The following RXRA variants were observed in gnomAD, a reference collection of about 807,000 sequenced individuals.
The protein encoded by RXRA is retinoid X receptor alpha, also known as retinoic acid receptor RXR-alpha.
A neutral mutation model predicts 44.5 loss-of-function variants in RXRA; 5 were observed. That is an observed-to-expected ratio of 0.11 (90% CI 0.06 to 0.24). The LOEUF is 0.24. Ranked by LOEUF, RXRA falls within the 10% of genes least tolerant of loss-of-function variation. The pLI, the probability that RXRA is intolerant of heterozygous loss-of-function variation, is 1.00. For missense variants in RXRA, 412 were observed against 646.5 expected, an observed-to-expected ratio of 0.64 and a Z score of 3.93; for synonymous variants, 291 against 271.4, an observed-to-expected ratio of 1.07 and a Z score of -0.71.
chr9:134,440,371 C>T lies in RXRA; in HGVS notation c.*3757C>T, dbSNP rs1189241044. 6.6e-6 allele frequency: 1 copy of T among 152,502 alleles called. No homozygotes were observed. Among genetic ancestry groups the T allele is most frequent in the Non-Finnish European group, 1.5e-5 (1 of 68,044 alleles). 9.4% of individuals were successfully genotyped at this position (152,502 alleles called of 1,614,324 possible). Reference sequence around the variant, plus strand: ...CTTCCCTTTCGAGTAATTTTTAAAGCCTTGCTCTGTTGTGTCCTGTTGCCG... The same window carrying T: ...CTTCCCTTTCGAGTAATTTTTAAAGTCTTGCTCTGTTGTGTCCTGTTGCCG... On this transcript the variant is annotated 3_prime_UTR_variant, in exon 10 of 10. Transcript: ENST00000481739.
At chr9:134,327,736 C>T (rs1554746206) in intron 1 of RXRA, among the ~76,000 whole-genome samples, 1 of 152,108 alleles carries the variant, frequency 6.6e-6, no homozygotes, top group East Asian at 1.9e-4. Flanking sequence ...TGAGATGGGG[C>T]ATCAAGGGGA....
rs189381556 is a variant in RXRA, at chr9:134,413,880, G to T, written c.611-3278G>T. 4.4e-3 allele frequency among the ~76,000 whole-genome samples: 665 copies of T among 152,246 alleles called. 8 individuals are homozygous for T. The highest frequency in any genetic ancestry group is 3.2e-3 in the Non-Finnish European group (218 of 68,000). On this transcript the variant is annotated intron_variant, in intron 4 of 9. Coordinates refer to ENST00000481739, the MANE Select transcript of RXRA (RefSeq NM_002957.6). ...TGGGCAGGAGTCTCAGGTCTTCCTG[G>T]GAGGACTGGGCTGCGGTGTGTGAGT...
chr9:134,410,189 AGTGTGGT>A, intron 4 of RXRA, among the ~76,000 whole-genome samples: 1 of 152,218 alleles, frequency 6.6e-6, no homozygotes, highest in East Asian at 1.9e-4. Flanking sequence ...TGCGAGGCTG[AGTGTGGT>A]GTATGGGCTG....
At chr9:134,334,203 T>C (rs1238055246) in intron 1 of RXRA, among the ~76,000 whole-genome samples, 1 of 152,244 alleles carries the variant, frequency 6.6e-6, no homozygotes, top group Non-Finnish European at 1.5e-5. Flanking sequence ...GCCTCTTTTT[T>C]CCCAGGCTTC....
In RXRA at chr9:134,431,803, C is replaced by T. The variant is rs769381366; in HGVS notation, c.1044-102C>T. The stretch of plus-strand genomic sequence containing the variant: ...TGGCTTGGCCCATCTCAGCGGCCCT[C>T]GGGCCACGCCGGGCTCTCCAGAGGC... On this transcript the variant is annotated intron_variant, in intron 7 of 9. Transcript: ENST00000481739. 221 of 865,550 alleles carry T rather than the reference C, an allele frequency of 2.6e-4. 2 individuals are homozygous for T. The highest frequency in any genetic ancestry group is 7.3e-4 in the Middle Eastern group (2 of 2,754). 53.6% of individuals were successfully genotyped at this position (865,550 alleles called of 1,614,324 possible). A position where few individuals can be genotyped will look rare whatever the true frequency, so the allele number is the denominator to read the frequency against.
At chr9:134,404,197 G>C (rs567685871) in intron 2 of RXRA, 1 of 152,386 alleles carries the variant, frequency 6.6e-6, no homozygotes, top group Non-Finnish European at 1.5e-5. Flanking sequence ...CTGTTGGGGA[G>C]GGCCAGGCAC....
chr9:134,436,719 G>T lies in RXRA; in HGVS notation c.*105G>T. 1 of 1,377,102 alleles carries T rather than the reference G, an allele frequency of 7.3e-7. No individual in the cohort carries two copies. The highest frequency in any genetic ancestry group is 1.0e-6 in the Non-Finnish European group (1 of 1,000,942). The allele number at this position is 1,377,102 out of a possible 1,614,324, so 85.3% of individuals were successfully genotyped here. A position where few individuals can be genotyped will look rare whatever the true frequency, so the allele number is the denominator to read the frequency against. ...GTCCCTGCCCTTCTCTGCCTGGCCT[G>T]TTTGGACTTTGGGGCACAGCCTGTC... On this transcript the variant is annotated 3_prime_UTR_variant, in exon 10 of 10. Transcript: ENST00000481739.
intron 1 of RXRA, among the ~76,000 whole-genome samples, chr9:134,355,758 T>C (rs1554750012): frequency 6.6e-6 from 1 of 152,156 alleles, no homozygotes; most frequent in East Asian, 1.9e-4. Flanking sequence ...TGCCACACGT[T>C]GGAGGCAGGT....
intron 1 of RXRA, among the ~76,000 whole-genome samples, chr9:134,339,293 C>T (rs1241492921): frequency 6.6e-6 from 1 of 152,276 alleles, no homozygotes; most frequent in Non-Finnish European, 1.5e-5. Context: ...GTCGTCCTCC[C>T]CAGACCCTCC....
intron 1 of RXRA, among the ~76,000 whole-genome samples, chr9:134,376,261 A>G (rs34448439): frequency 0.74 from 112,750 of 151,950 alleles, 42,030 homozygotes; most frequent in East Asian, 0.81. Flanking sequence ...CGCACCTCGC[A>G]GTGCCCAGGG....
At chr9:134,412,669 G>A (rs1831168576) in intron 4 of RXRA, among the ~76,000 whole-genome samples, 1 of 152,178 alleles carries the variant, frequency 6.6e-6, no homozygotes, top group Non-Finnish European at 1.5e-5. Context: ...TTGGCCCTCT[G>A]CCAAGCTGAG....
At chr9:134,332,696 A>T (rs1431599303) in intron 1 of RXRA, among the ~76,000 whole-genome samples, 2 of 152,026 alleles carry the variant, frequency 1.3e-5, no homozygotes, top group African/African-American at 4.8e-5. Flanking sequence ...GTGCCCGGAG[A>T]CTGGGGGATC....
intron 1 of RXRA, among the ~76,000 whole-genome samples, chr9:134,355,364 C>G (rs547871861): frequency 5.3e-5 from 8 of 152,226 alleles, no homozygotes; most frequent in Admixed American, 1.3e-4. Context: ...TTGGACAGAT[C>G]CCCCGACTCC....
intron 8 of RXRA, 33 bp downstream of exon 8, chr9:134,432,029 C>T (rs1017631238): frequency 1.0e-5 from 16 of 1,564,644 alleles, no homozygotes; most frequent in African/African-American, 4.1e-5. Context: ...CTTCTGGCCC[C>T]GTTCTCTGGT....
chr9:134,419,958 AC>A (rs1304754338), intron 5 of RXRA, among the ~76,000 whole-genome samples: 2 of 152,094 alleles, frequency 1.3e-5, no homozygotes, highest in African/African-American at 4.8e-5. Context: ...ACAGATGGTG[AC>A]CCGTGTGCCC....
At chr9:134,425,283 G>C in intron 6 of RXRA, 1 of 985,368 alleles carries the variant, frequency 1.0e-6, no homozygotes, top group South Asian at 4.7e-5. Context: ...ACCCGTCCAG[G>C]AGGCCTTCAG....
chr9:134,390,551 C>T (rs1412764986), intron 1 of RXRA, among the ~76,000 whole-genome samples: 3 of 152,206 alleles, frequency 2.0e-5, no homozygotes, highest in Admixed American at 6.5e-5. Context: ...GGTGATGAGC[C>T]TGACCCGGGC....
chr9:134,327,702 C>G (rs1834940329), intron 1 of RXRA, among the ~76,000 whole-genome samples: 1 of 152,112 alleles, frequency 6.6e-6, no homozygotes, highest in Non-Finnish European at 1.5e-5. Flanking sequence ...GCTCAGAAGC[C>G]AATGTAGCTG....
chr9:134,334,346 G>A (rs1835052110), intron 1 of RXRA, among the ~76,000 whole-genome samples: 1 of 152,270 alleles, frequency 6.6e-6, no homozygotes. Flanking sequence ...TTCAGTGCCT[G>A]TGCTTGGGGA....
Sources: allele counts gnomAD v4.1 joint callset (sites outside exome capture counted in the v4.1 genomes callset), GRCh38; gene constraint gnomAD v4.1.1; transcripts MANE v1.5; gene names NCBI Gene and HGNC (gene_info 2026-07-23, HGNC 2026-07-21).